Variants in MYO5B observed in about 807,000 individuals in gnomAD.
MYO5B encodes myosin VB.
MYO5B carries 143 observed loss-of-function variants against 229.3 expected under a neutral mutation model. The ratio of observed to expected loss-of-function variants is 0.62; its 90% CI spans 0.54 to 0.72. The LOEUF is 0.72. Ranked by LOEUF, MYO5B falls within the 30% of genes least tolerant of loss-of-function variation. The pLI, the probability that MYO5B is intolerant of heterozygous loss-of-function variation, is 0.00. For missense variants in MYO5B, 2,321 were observed against 2,331.0 expected (o/e 1.00, Z 0.09); for synonymous variants, 918 against 885.2 (o/e 1.04, Z -0.66).
chr18:50,029,707 C>A (rs1005721272), intron 4 of MYO5B, among the ~76,000 whole-genome samples: 9 of 152,162 alleles, frequency 5.9e-5, no homozygotes, highest in Non-Finnish European at 1.2e-4. Flanking sequence ...CTCACTGGAT[C>A]CAAGTTCCTC....
intron 6 of MYO5B, among the ~76,000 whole-genome samples, chr18:49,990,889 C>T (rs907677584): frequency 3.9e-5 from 6 of 152,208 alleles, no homozygotes; most frequent in Admixed American, 3.3e-4. Flanking sequence ...CTTCTGTGAG[C>T]TCCCGTTCTC....
chr18:50,103,626 G>A (rs1220074853), intron 1 of MYO5B, among the ~76,000 whole-genome samples: 1 of 152,138 alleles, frequency 6.6e-6, no homozygotes, highest in African/African-American at 2.4e-5. Context: ...GTGTGCACCT[G>A]TGGCAGCTTC....
At chr18:50,172,418 C>T (rs1040758264) in intron 1 of MYO5B, among the ~76,000 whole-genome samples, 6 of 151,940 alleles carry the variant, frequency 3.9e-5, no homozygotes, top group Non-Finnish European at 8.8e-5. Flanking sequence ...ACTAGAGAAT[C>T]GGATTCCCAG....
intron 21 of MYO5B, 129 bp from the exon 22 acceptor site, chr18:49,895,303 T>C (rs2024765960): frequency 5.2e-6 from 4 of 762,962 alleles, no homozygotes; most frequent in South Asian, 1.5e-5. Context: ...CTCACAATCA[T>C]TGCATGCTCA....
intron 3 of MYO5B, among the ~76,000 whole-genome samples, chr18:50,039,799 G>GCAAAA (rs2029955500): frequency 6.6e-6 from 1 of 152,026 alleles, no homozygotes; most frequent in Non-Finnish European, 1.5e-5. Flanking sequence ...ATAAAACAAG[G>GCAAAA]CAAAACAAAA....
In MYO5B at chr18:50,194,782, G is replaced by T. The variant is rs1392926174; in HGVS notation, c.12C>A (p.Gly4=). The T allele has an allele frequency of 1.4e-6, 2 of 1,457,392 alleles. No homozygotes were observed. Among genetic ancestry groups the T allele is most frequent in the African/African-American group, 2.9e-5 (2 of 67,866 alleles). 90.3% of individuals were successfully genotyped at this position (1,457,392 alleles called of 1,614,324 possible). The change falls in exon 1 of 40, where the codon GGC becomes GGA. Residue 4 remains glycine (G), a synonymous_variant. Coordinates refer to ENST00000285039, the MANE Select transcript of MYO5B (RefSeq NM_001080467.3). The stretch of plus-strand genomic sequence containing the variant: ...CCGCGCTCACCTGGCTGTAGAGCTC[G>T]CCCACCGACATGGCCCGGGCCGGGC... MSV[G]ELYSQCTRVW...
At chr18:49,948,938 G>A (rs150196445) in intron 14 of MYO5B, among the ~76,000 whole-genome samples, 75 of 152,308 alleles carry the variant, frequency 4.9e-4, no homozygotes, top group African/African-American at 1.7e-3. Context: ...ACTGCACTTG[G>A]AAGTGGTAGG....
At chr18:50,081,292 A>G (rs964210365) in intron 1 of MYO5B, among the ~76,000 whole-genome samples, 2 of 152,228 alleles carry the variant, frequency 1.3e-5, no homozygotes, top group Non-Finnish European at 2.9e-5. Context: ...CAGAGCCAAA[A>G]GGACCCTCCA....
chr18:49,919,754 A>G (rs1384610237), intron 17 of MYO5B, among the ~76,000 whole-genome samples: 1 of 152,236 alleles, frequency 6.6e-6, no homozygotes, highest in African/African-American at 2.4e-5. Flanking sequence ...TACTGTGGAA[A>G]ACAATATGGA....
chr18:49,896,557 C>T (rs2024781367), intron 21 of MYO5B, among the ~76,000 whole-genome samples: 1 of 152,092 alleles, frequency 6.6e-6, no homozygotes, highest in South Asian at 2.1e-4. Context: ...AGGTTTGGCC[C>T]AGCTGCTCTC....
rs146027215 is a variant in MYO5B at position 49,882,911 on chromosome 18, C to T, written c.3046-2456G>A. Among the ~76,000 whole-genome samples, 200 of 152,246 alleles carry T rather than the reference C, an allele frequency of 1.3e-3. 1 individual carries two copies. Among genetic ancestry groups the T allele is most frequent in the African/African-American group, 4.6e-3 (191 of 41,534 alleles). On this transcript the variant is annotated intron_variant, in intron 22 of 39. Coordinates refer to ENST00000285039, the MANE Select transcript of MYO5B (RefSeq NM_001080467.3). ...CTATGAGGCCAGTGTTACTCTGATA[C>T]CAAAACCAAAGAAATCACTAAAAAC...
chr18:50,082,608 T>G lies in MYO5B; in HGVS notation c.28-27230A>C, dbSNP rs896145030. Reference sequence around the variant, plus strand: ...CAATCCTTCCTACCTCAAGGGAATGTGCAGCCTAATACTAACTGTAGGATT... The same window carrying G: ...CAATCCTTCCTACCTCAAGGGAATGGGCAGCCTAATACTAACTGTAGGATT... On this transcript the variant is annotated intron_variant, in intron 1 of 39. Transcript: ENST00000285039. Among the ~76,000 whole-genome samples the G allele has an allele frequency of 3.9e-5, 6 of 152,332 alleles. No individual in the cohort carries two copies. The South Asian group carries it at 1.2e-3, about 32-fold the overall frequency.
rs898463783 is a variant in MYO5B, at chr18:50,152,761, A to G, written c.27+42006T>C. ...AGGAAAGCTAAAATAACCATTTCCTAAGTTCTGATATTGGGGTTCTTAAAA... is the reference window on the plus strand; with the variant it reads ...AGGAAAGCTAAAATAACCATTTCCTGAGTTCTGATATTGGGGTTCTTAAAA... On this transcript the variant is annotated intron_variant, in intron 1 of 39. Coordinates refer to ENST00000285039, the MANE Select transcript of MYO5B (RefSeq NM_001080467.3). Among the ~76,000 whole-genome samples the G allele has an allele frequency of 3.9e-5, 6 of 152,026 alleles. No homozygotes were observed. In the East Asian group the frequency reaches 1.2e-3, roughly 29 times the overall value.
intron 39 of MYO5B, among the ~76,000 whole-genome samples, chr18:49,830,692 G>A (rs1303621513): frequency 1.3e-5 from 2 of 151,822 alleles, no homozygotes; most frequent in Non-Finnish European, 2.9e-5. Context: ...TACTAAAAAC[G>A]CAAAAATTAG....
chr18:49,985,364 C>G (rs921790145), intron 7 of MYO5B, among the ~76,000 whole-genome samples: 1 of 152,142 alleles, frequency 6.6e-6, no homozygotes, highest in Admixed American at 6.5e-5. Flanking sequence ...TGCTGTCATC[C>G]CCCAGCTTAA....
intron 4 of MYO5B, among the ~76,000 whole-genome samples, chr18:50,004,295 G>A (rs1420793016): frequency 6.6e-6 from 1 of 152,198 alleles, no homozygotes; most frequent in Non-Finnish European, 1.5e-5. Flanking sequence ...AAATTTTGGT[G>A]TTCTGATAAA....
chr18:49,854,948 C>T (rs559097354), intron 30 of MYO5B, among the ~76,000 whole-genome samples: 2 of 152,210 alleles, frequency 1.3e-5, no homozygotes, highest in East Asian at 3.9e-4. Flanking sequence ...AACAAAGTTA[C>T]ATGAATGAAG....
intron 1 of MYO5B, among the ~76,000 whole-genome samples, chr18:50,150,604 A>G (rs1042330506): frequency 2.0e-5 from 3 of 152,088 alleles, no homozygotes; most frequent in African/African-American, 7.2e-5. Flanking sequence ...AACACCGCAT[A>G]TTCTCATTCA....
rs1187181675 is a variant in MYO5B at position 50,122,635 on chromosome 18, GAGAGAGAGAGAGAGA to G, written c.28-67272_28-67258del. 7.4e-3 allele frequency among the ~76,000 whole-genome samples: 45 copies of G among 6,102 alleles called. 1 individual carries two copies. Among genetic ancestry groups the G allele is most frequent in the African/African-American group, 0.025 (28 of 1,136 alleles). 4.0% of individuals were successfully genotyped at this position (6,102 alleles called of 152,430 possible). A position where few individuals can be genotyped will look rare whatever the true frequency, so the allele number is the denominator to read the frequency against. ...GAGAGGGAGGGAGGGAAGGGGGGGG[GAGAGAGAGAGAGAGA>G]GAGAGAGAGAGAGAGAGAGAGAGAG... On this transcript the variant is annotated intron_variant, in intron 1 of 39. Coordinates refer to ENST00000285039, the MANE Select transcript of MYO5B (RefSeq NM_001080467.3).
Sources: allele counts gnomAD v4.1 joint callset (sites outside exome capture counted in the v4.1 genomes callset), GRCh38; gene constraint gnomAD v4.1.1; transcripts MANE v1.5; gene names NCBI Gene and HGNC (gene_info 2026-07-23, HGNC 2026-07-21).